Variants in ABCB11 observed in about 807,000 individuals in gnomAD.
ABCB11 encodes the protein ATP binding cassette subfamily B member 11.
ABCB11 carries 95 observed loss-of-function variants against 148.0 expected under a neutral mutation model. The observed-to-expected ratio is 0.64, with a 90% CI of 0.54 to 0.76. The LOEUF (loss-of-function observed/expected upper bound fraction) is 0.76, where lower values mean the gene tolerates loss of function less well. ABCB11 is among the 30% of genes least tolerant of loss of function. The pLI is 0.00. For missense variants in ABCB11, 1,523 were observed against 1,617.8 expected (o/e 0.94, Z 1.01); for synonymous variants, 591 against 555.4 (o/e 1.06, Z -0.90).
intron 1 of ABCB11, among the ~76,000 whole-genome samples, chr2:169,020,820 T>A (rs114251158): frequency 2.7e-3 from 407 of 152,248 alleles, no homozygotes; most frequent in African/African-American, 9.2e-3. Flanking sequence ...ATTATGGTGA[T>A]GGTCGCACAA....
chr2:168,916,725 A>T (rs1439676310), downstream of ABCB11, among the ~76,000 whole-genome samples: 1 of 152,232 alleles, frequency 6.6e-6, no homozygotes, highest in Non-Finnish European at 1.5e-5. Context: ...CCAAGTGGAC[A>T]CAGTGCTCAT....
At chr2:168,924,920 C>G in intron 26 of ABCB11, 117 bp from the exon 27 acceptor site, 2 of 783,186 alleles carry the variant, frequency 2.6e-6, no homozygotes, top group Non-Finnish European at 3.8e-6. Context: ...AACTAGGGAA[C>G]AGTGAGTGAG....
At chr2:168,992,469 G>T (rs747434790) in intron 8 of ABCB11, among the ~76,000 whole-genome samples, 4 of 152,088 alleles carry the variant, frequency 2.6e-5, no homozygotes, top group Non-Finnish European at 4.4e-5. Flanking sequence ...GAAGTTGAGG[G>T]TTCTCTGGAG....
rs3732038 is a variant in ABCB11 at position 168,923,341 on chromosome 2, A to C, written c.*281T>G. The C allele has an allele frequency of 1.9e-5, 10 of 525,436 alleles. No individual in the cohort carries two copies. In the East Asian group the frequency reaches 3.4e-4, roughly 18 times the overall value. The allele number at this position is 525,436 out of a possible 1,614,324, so 32.5% of individuals were successfully genotyped here. A position where few individuals can be genotyped will look rare whatever the true frequency, so the allele number is the denominator to read the frequency against. On this transcript the variant is annotated 3_prime_UTR_variant, in exon 28 of 28. Transcript: ENST00000650372. ...AGGACTGGCTCCTGCACAGAGAAGC[A>C]CTGAGTGGTGGCTGAGCTGCCACTT...
intron 11 of ABCB11, among the ~76,000 whole-genome samples, chr2:168,977,207 C>T (rs1317532210): frequency 6.6e-6 from 1 of 150,614 alleles, no homozygotes; most frequent in Non-Finnish European, 1.5e-5. Context: ...AGACAATGTA[C>T]TAGGTGTTTT....
At chr2:168,933,449 T>C (rs1691673156) in intron 23 of ABCB11, among the ~76,000 whole-genome samples, 1 of 152,096 alleles carries the variant, frequency 6.6e-6, no homozygotes, top group Non-Finnish European at 1.5e-5. Context: ...AGAGATAACT[T>C]TGTTGCTGTA....
intron 8 of ABCB11, 133 bp from the exon 9 acceptor site, chr2:168,991,058 G>A (rs1362612379): frequency 1.8e-6 from 2 of 1,134,570 alleles, no homozygotes. Flanking sequence ...TCATTGACAG[G>A]AGGAAGAAAT....
chr2:168,959,318 T>G (rs1453903975), intron 18 of ABCB11, among the ~76,000 whole-genome samples: 1 of 151,640 alleles, frequency 6.6e-6, no homozygotes, highest in Non-Finnish European at 1.5e-5. Flanking sequence ...GGTCCTTCTG[T>G]TCAATTATTT....
chr2:168,995,729 T>C (rs1443124350), intron 6 of ABCB11, among the ~76,000 whole-genome samples: 1 of 151,894 alleles, frequency 6.6e-6, no homozygotes, highest in Non-Finnish European at 1.5e-5. Context: ...AGCAGGCCCA[T>C]GTCTTCTGGA....
intron 3 of ABCB11, 89 bp from the exon 4 acceptor site, chr2:169,014,443 T>C: frequency 1.6e-6 from 2 of 1,289,624 alleles, no homozygotes; most frequent in Non-Finnish European, 1.1e-6. Context: ...AGTTATTCTT[T>C]AGTAAGAAAG....
At position 168,958,054 on chromosome 2, in the gene ABCB11, T is replaced by C; in HGVS notation, c.2253A>G (p.Glu751=). ...VRRILKFSAP[E]WPYMLVGSVG... ...CAGACCCTACCAGCATGTAGGGCCA[T>C]TCTGGAGCACTGAATTTCAGAATCC... The change falls in exon 19 of 28, where the codon GAA becomes GAG. Residue 751 remains glutamate, a synonymous_variant. Coordinates refer to ENST00000650372, the MANE Select transcript of ABCB11 (RefSeq NM_003742.4). The C allele has an allele frequency of 6.2e-7, 1 of 1,611,446 alleles. No individual in the cohort carries two copies. The highest frequency in any genetic ancestry group is 1.1e-5 in the South Asian group (1 of 90,980).
At chr2:169,021,103 C>G (rs1002822463) in intron 1 of ABCB11, among the ~76,000 whole-genome samples, 1 of 151,836 alleles carries the variant, frequency 6.6e-6, no homozygotes, top group Non-Finnish European at 1.5e-5. Context: ...GCTGGGATTA[C>G]GGGTATGAGC....
chr2:169,002,608 A>T (rs1694908294), intron 5 of ABCB11, among the ~76,000 whole-genome samples: 1 of 152,170 alleles, frequency 6.6e-6, no homozygotes, highest in South Asian at 2.1e-4. Flanking sequence ...TCAGCCTTTT[A>T]AAAAAATCCT....
At chr2:168,997,851 T>A (rs17268587) in intron 5 of ABCB11, among the ~76,000 whole-genome samples, 4,227 of 152,134 alleles carry the variant, frequency 0.028, 89 homozygotes, top group African/African-American at 0.054. Flanking sequence ...TGCAAGCTAC[T>A]CAAGGTCAAG....
In ABCB11 at chr2:168,932,530, C is replaced by T. The variant is rs368622067; in HGVS notation, c.3060G>A (p.Val1020=). 5.0e-5 allele frequency: 80 copies of T among 1,613,060 alleles called. No homozygotes were observed. The highest frequency in any genetic ancestry group is 6.4e-5 in the Non-Finnish European group (75 of 1,179,598). Reference sequence around the variant, plus strand: ...TTGCACTCAGTACAACTGCAGAGATCACCCTGTAACCAGACAGACACACAG... The same window carrying T: ...TTGCACTCAGTACAACTGCAGAGATTACCCTGTAACCAGACAGACACACAG... ...EGLHFSYVFR[V]ISAVVLSATA... The change falls in exon 24 of 28, where the codon GTG becomes GTA. Residue 1020 remains valine, a synonymous_variant. Coordinates refer to ENST00000650372, the MANE Select transcript of ABCB11 (RefSeq NM_003742.4).
chr2:168,991,543 A>G (rs962383251), intron 8 of ABCB11, among the ~76,000 whole-genome samples: 5 of 152,064 alleles, frequency 3.3e-5, no homozygotes, highest in Admixed American at 6.6e-5. Context: ...ATGAACCCCC[A>G]AAGAAAACCC....
At chr2:168,937,421 C>T (rs1427852332) in intron 21 of ABCB11, among the ~76,000 whole-genome samples, 1 of 152,130 alleles carries the variant, frequency 6.6e-6, no homozygotes, top group African/African-American at 2.4e-5. Context: ...AAGTTAAGTT[C>T]TTTTAAATGA....
At chr2:168,917,203 A>G (rs1292130766), downstream of ABCB11, among the ~76,000 whole-genome samples, 1 of 20,900 alleles carries the variant, frequency 4.8e-5, no homozygotes, top group Non-Finnish European at 7.4e-5. Context: ...GTTTTTGGAC[A>G]AAAAAACTAG....
At chr2:168,941,975 C>A (rs1201817765) in intron 21 of ABCB11, among the ~76,000 whole-genome samples, 1 of 151,796 alleles carries the variant, frequency 6.6e-6, no homozygotes, top group South Asian at 2.1e-4. Context: ...CTCTTTATTG[C>A]GGTGGTCTGA....
Sources: allele counts gnomAD v4.1 joint callset (sites outside exome capture counted in the v4.1 genomes callset), GRCh38; gene constraint gnomAD v4.1.1; transcripts MANE v1.5; gene names NCBI Gene and HGNC (gene_info 2026-07-23, HGNC 2026-07-21).